DMD: variants seen among roughly 807,000 people sequenced by gnomAD.
DMD encodes the protein mutant dystrophin.
DMD carries 63 observed loss-of-function variants against 330.1 expected under a neutral mutation model. The observed-to-expected ratio is 0.19, with a 90% CI of 0.16 to 0.24. DMD has a LOEUF of 0.24. Among genes scored for constraint, DMD ranks in the 10% least tolerant of loss-of-function variants. DMD has a pLI of 1.00. For synonymous variants in DMD, 1,223 were observed against 959.8 expected (o/e 1.27, Z -5.07); for missense variants, 3,344 against 2,684.1 (o/e 1.25, Z -5.43).
At chrX:32,386,695 T>C (rs766945322) in intron 32 of DMD, among the ~76,000 whole-genome samples, 4 of 101,106 alleles carry the variant, frequency 4.0e-5, no homozygotes, top group Admixed American at 3.5e-4. Context: ...CTATTCTTAT[T>C]AAACAGAGAG....
intron 28 of DMD, among the ~76,000 whole-genome samples, chrX:32,440,219 G>A: frequency 9.0e-6 from 1 of 111,615 alleles, no homozygotes; most frequent in Non-Finnish European, 1.9e-5. Context: ...AGAAATGTTT[G>A]GTCAATTAAC....
chrX:32,865,150 C>T (rs1464101470), intron 2 of DMD, among the ~76,000 whole-genome samples: 1 of 111,580 alleles, frequency 9.0e-6, no homozygotes, highest in Non-Finnish European at 1.9e-5. Context: ...GGGGGATAGT[C>T]ATTCAACTAA....
At chrX:32,987,523 C>T (rs1316377264) in intron 2 of DMD, among the ~76,000 whole-genome samples, 1 of 111,737 alleles carries the variant, frequency 8.9e-6, no homozygotes, top group Non-Finnish European at 1.9e-5. Context: ...TTCCTACAGA[C>T]ACCTAAGTAT....
At chrX:33,075,729 GAA>G (rs1164974630) in intron 1 of DMD, among the ~76,000 whole-genome samples, 3 of 111,897 alleles carry the variant, frequency 2.7e-5, no homozygotes, top group South Asian at 7.4e-4. Context: ...CTGAAATAGT[GAA>G]AGAGATCTGA....
At chrX:31,467,058 T>C (rs1210840220) in intron 59 of DMD, among the ~76,000 whole-genome samples, 1 of 112,053 alleles carries the variant, frequency 8.9e-6, no homozygotes, top group Non-Finnish European at 1.9e-5. Flanking sequence ...CTTAAGAAGA[T>C]TTTGGGTTGA....
In DMD at chrX:32,948,773, C is replaced by T. The variant is rs144399158; in HGVS notation, c.93+71366G>A. Among the ~76,000 whole-genome samples the T allele has an allele frequency of 5.1e-3, 564 of 111,539 alleles. 5 individuals are homozygous for T. The highest frequency in any genetic ancestry group is 0.017 in the African/African-American group (535 of 30,734). On this transcript the variant is annotated intron_variant, in intron 2 of 78. Coordinates refer to ENST00000357033, the MANE Select transcript of DMD (RefSeq NM_004006.3). ...TAGATACATGTTATCTCTTACTTTG[C>T]TATTTTTCCAAAAATGTATTTGAAA...
chrX:31,457,909 C>A (rs984496451), intron 59 of DMD, among the ~76,000 whole-genome samples: 2 of 111,595 alleles, frequency 1.8e-5, no homozygotes, highest in Non-Finnish European at 3.8e-5. Context: ...AAATAATACA[C>A]AGAAGAGGGC....
intron 55 of DMD, among the ~76,000 whole-genome samples, chrX:31,521,003 C>G (rs2072702258): frequency 9.0e-6 from 1 of 111,147 alleles, no homozygotes; most frequent in South Asian, 3.8e-4. Flanking sequence ...CAACTGAGAA[C>G]AAGTACATTT....
chrX:32,833,177 T>C (rs907604705), intron 4 of DMD, among the ~76,000 whole-genome samples: 11 of 111,639 alleles, frequency 9.9e-5, no homozygotes, highest in African/African-American at 3.6e-4. Context: ...ATTTCCTCTA[T>C]ATTTCAGATA....
intron 7 of DMD, among the ~76,000 whole-genome samples, chrX:32,711,097 ACTG>A (rs2065146969): frequency 8.9e-6 from 1 of 111,963 alleles, no homozygotes; most frequent in Non-Finnish European, 1.9e-5. Context: ...GTAGAATCTT[ACTG>A]CTATTTTAAT....
chrX:32,889,837 T>C (rs1212566804), intron 2 of DMD, among the ~76,000 whole-genome samples: 1 of 111,014 alleles, frequency 9.0e-6, no homozygotes, highest in Non-Finnish European at 1.9e-5. Flanking sequence ...ATAAACAGCC[T>C]TGTTGCTCAC....
chrX:32,252,763 AATAT>A (rs1258670616), intron 43 of DMD, among the ~76,000 whole-genome samples: 1 of 19,336 alleles, frequency 5.2e-5, no homozygotes, highest in Non-Finnish European at 6.6e-5. Flanking sequence ...TAAATATATA[AATAT>A]ATATAAATAT....
rs1266091468 is a variant in DMD, at chrX:31,876,707, AC to A, written c.6913-1335del. Among the ~76,000 whole-genome samples, 5 of 110,084 alleles carry A rather than the reference AC, an allele frequency of 4.5e-5. No individual in the cohort carries two copies. In the East Asian group the frequency reaches 8.5e-4, roughly 19 times the overall value. On this transcript the variant is annotated intron_variant, in intron 47 of 78. Coordinates refer to ENST00000357033, the MANE Select transcript of DMD (RefSeq NM_004006.3). Reference sequence around the variant, plus strand: ...TCTCTACAAAAAAAAAACAAAAAAAACAAAAAACAAAACAAAACAAAACAAA... The same window carrying A: ...TCTCTACAAAAAAAAAACAAAAAAAAAAAAAACAAAACAAAACAAAACAAA...
At chrX:33,035,460 G>C (rs1295785912) in intron 1 of DMD, among the ~76,000 whole-genome samples, 2 of 111,380 alleles carry the variant, frequency 1.8e-5, no homozygotes, top group South Asian at 3.8e-4. Context: ...TTAGTTTCTT[G>C]TGCTTCCATA....
intron 20 of DMD, among the ~76,000 whole-genome samples, chrX:32,485,405 T>A (rs1383781226): frequency 9.0e-6 from 1 of 111,028 alleles, no homozygotes; most frequent in Non-Finnish European, 1.9e-5. Flanking sequence ...CCTTAAATCC[T>A]TTCCATAAAT....
At chrX:32,142,973 A>C (rs2096760654) in intron 44 of DMD, among the ~76,000 whole-genome samples, 2 of 111,250 alleles carry the variant, frequency 1.8e-5, no homozygotes, top group East Asian at 5.7e-4. Flanking sequence ...TCTTATCATC[A>C]TCCTTCAGGT....
chrX:32,003,915 C>T (rs1461872217), intron 44 of DMD, among the ~76,000 whole-genome samples: 1 of 111,119 alleles, frequency 9.0e-6, no homozygotes, highest in Admixed American at 9.6e-5. Context: ...CAGATTCAGC[C>T]ATTTGCTAAG....
At chrX:33,153,173 G>A (rs761237593) in intron 1 of DMD, among the ~76,000 whole-genome samples, 1 of 113,016 alleles carries the variant, frequency 8.8e-6, no homozygotes, top group East Asian at 2.8e-4. Context: ...AACTTTGGGA[G>A]GCCGAGGCAG....
intron 1 of DMD, among the ~76,000 whole-genome samples, chrX:33,051,230 G>C (rs1000877388): frequency 3.2e-5 from 1 of 30,775 alleles, no homozygotes; most frequent in African/African-American, 1.1e-4. Context: ...TTTTTTTTTT[G>C]AGACTGAATC....
Sources: allele counts gnomAD v4.1 joint callset (sites outside exome capture counted in the v4.1 genomes callset), GRCh38; gene constraint gnomAD v4.1.1; transcripts MANE v1.5; gene names NCBI Gene and HGNC (gene_info 2026-07-23, HGNC 2026-07-21).